The following KIN variants were observed in gnomAD, a reference collection of about 807,000 sequenced individuals.
The protein encoded by KIN is Kin17 DNA and RNA binding protein.
A neutral mutation model predicts 63.0 loss-of-function variants in KIN; 47 were observed. The observed-to-expected ratio is 0.75, with a 90% CI of 0.59 to 0.95. The LOEUF (loss-of-function observed/expected upper bound fraction) is 0.95, where lower values mean the gene tolerates loss of function less well. Ranked by LOEUF, KIN falls within the 40% of genes least tolerant of loss-of-function variation. The pLI, the probability that KIN is intolerant of heterozygous loss-of-function variation, is 0.00. For synonymous variants in KIN, 160 were observed against 157.7 expected (o/e 1.01, Z -0.11); for missense variants, 408 against 460.9 (o/e 0.89, Z 1.05).
chr10:7,772,583 TAA>T (rs1835688354), intron 7 of KIN, among the ~76,000 whole-genome samples: 1 of 152,186 alleles, frequency 6.6e-6, no homozygotes, highest in Admixed American at 6.5e-5. Flanking sequence ...TTTAGATATA[TAA>T]GAGATATAAA....
chr10:7,764,559 T>C (rs1416372052), intron 9 of KIN, among the ~76,000 whole-genome samples: 1 of 152,246 alleles, frequency 6.6e-6, no homozygotes, highest in Non-Finnish European at 1.5e-5. Flanking sequence ...AAAGCCATGC[T>C]TAAAATCGTA....
chr10:7,761,501 G>A (rs569864818), intron 11 of KIN: 1 of 152,214 alleles, frequency 6.6e-6, no homozygotes, highest in East Asian at 1.9e-4. Context: ...ATCGCAGAGA[G>A]CTAAACAAAT....
intron 8 of KIN, 102 bp downstream of exon 8, chr10:7,769,114 G>T: frequency 8.9e-7 from 1 of 1,120,360 alleles, no homozygotes; most frequent in South Asian, 1.6e-5. Context: ...TCCCTAGTCC[G>T]TACATGATAA....
intron 11 of KIN, among the ~76,000 whole-genome samples, chr10:7,760,950 T>C (rs867279108): frequency 9.9e-5 from 15 of 152,176 alleles, no homozygotes; most frequent in Non-Finnish European, 1.9e-4. Flanking sequence ...TGAGTGAAAG[T>C]AGCCAGACCA....
chr10:7,782,250 G>C (rs79157294), intron 2 of KIN, among the ~76,000 whole-genome samples: 1 of 152,062 alleles, frequency 6.6e-6, no homozygotes, highest in Admixed American at 6.5e-5. Context: ...AAGAAGCAAA[G>C]AAATGTTTAT....
At chr10:7,785,251 CAA>C (rs200276745) in intron 1 of KIN, among the ~76,000 whole-genome samples, 28 of 105,974 alleles carry the variant, frequency 2.6e-4, no homozygotes, top group Middle Eastern at 5.1e-3. Context: ...GACCTTGTCT[CAA>C]AAAAAAAAAA....
intron 10 of KIN, among the ~76,000 whole-genome samples, chr10:7,763,405 T>C (rs1298620340): frequency 1.3e-5 from 2 of 152,236 alleles, no homozygotes; most frequent in African/African-American, 2.4e-5. Context: ...TTTTAATATA[T>C]GGCCTATCAT....
At chr10:7,785,163 G>C (rs973209444) in intron 1 of KIN, among the ~76,000 whole-genome samples, 4 of 149,390 alleles carry the variant, frequency 2.7e-5, no homozygotes, top group African/African-American at 4.9e-5. Flanking sequence ...GCAGGAGGAG[G>C]ATTGCTTGAG....
intron 4 of KIN, among the ~76,000 whole-genome samples, chr10:7,779,568 T>C (rs1588485643): frequency 6.6e-6 from 1 of 152,310 alleles, no homozygotes; most frequent in South Asian, 2.1e-4. Context: ...GAAAAACGGA[T>C]GGTTGCATCT....
At chr10:7,782,929 T>C (rs950191448) in intron 2 of KIN, 152 bp downstream of exon 2, 4 of 405,916 alleles carry the variant, frequency 9.9e-6, no homozygotes, top group Non-Finnish European at 1.7e-5. Flanking sequence ...TATACTATGA[T>C]TAATTTTCAA....
At chr10:7,769,415 T>C (rs187436097) in intron 7 of KIN, 70 bp from the exon 8 acceptor site, 89 of 1,456,774 alleles carry the variant, frequency 6.1e-5, no homozygotes, top group Non-Finnish European at 7.4e-5. Context: ...ATGTGCAAAA[T>C]TCACAATATA....
intron 11 of KIN, among the ~76,000 whole-genome samples, chr10:7,761,057 C>T (rs932270290): frequency 3.3e-5 from 5 of 151,862 alleles, no homozygotes; most frequent in African/African-American, 1.2e-4. Context: ...CAGCAGATGT[C>T]GAGGAAGACA....
chr10:7,772,137 AG>A (rs1226583306), intron 7 of KIN, among the ~76,000 whole-genome samples: 1 of 152,138 alleles, frequency 6.6e-6, no homozygotes, highest in African/African-American at 2.4e-5. Flanking sequence ...GGAGACATAC[AG>A]GATCACAAAA....
At chr10:7,757,981 C>T (rs1166600069) in intron 12 of KIN, among the ~76,000 whole-genome samples, 1 of 146,972 alleles carries the variant, frequency 6.8e-6, no homozygotes, top group Admixed American at 6.8e-5. Context: ...ACTTGCAAAG[C>T]TCAAGTGATG....
chr10:7,755,920 C>A lies in KIN; in HGVS notation c.*160G>T. On this transcript the variant is annotated 3_prime_UTR_variant, in exon 13 of 13. Coordinates refer to ENST00000379562, the MANE Select transcript of KIN (RefSeq NM_012311.4). Reference sequence around the variant, plus strand: ...ATACCTCATGAGACATAATTAAATTCTTCTCAAAGTTTAGCTGAACAACTA... The same window carrying A: ...ATACCTCATGAGACATAATTAAATTATTCTCAAAGTTTAGCTGAACAACTA... 4.3e-6 allele frequency: 2 copies of A among 464,070 alleles called. No homozygotes were observed. Among genetic ancestry groups the A allele is most frequent in the South Asian group, 5.0e-5 (1 of 20,184 alleles). The allele number at this position is 464,070 out of a possible 1,614,324, so 28.7% of individuals were successfully genotyped here.
chr10:7,783,396 C>A (rs941460921), intron 1 of KIN, among the ~76,000 whole-genome samples: 2 of 152,122 alleles, frequency 1.3e-5, no homozygotes, highest in South Asian at 4.1e-4. Context: ...ATCAAAGAGA[C>A]AGCAAAAGAG....
In KIN at chr10:7,754,147, T is replaced by C. The variant is rs966793661; in HGVS notation, c.*1933A>G. On this transcript the variant is annotated 3_prime_UTR_variant, in exon 13 of 13. Transcript: ENST00000379562. The stretch of plus-strand genomic sequence containing the variant: ...GAGTTTGAGACCAGCCTGGGCAACA[T>C]AGCAAGACCTCATCTCTACTAAAAA... 54 of 453,752 alleles carry C rather than the reference T, an allele frequency of 1.2e-4. No homozygotes were observed. Among genetic ancestry groups the C allele is most frequent in the Non-Finnish European group, 2.2e-4 (50 of 226,104 alleles). 28.1% of individuals were successfully genotyped at this position (453,752 alleles called of 1,614,324 possible). A position where few individuals can be genotyped will look rare whatever the true frequency, so the allele number is the denominator to read the frequency against.
intron 5 of KIN, among the ~76,000 whole-genome samples, chr10:7,776,732 CA>C (rs779355865): frequency 4.5e-4 from 38 of 84,032 alleles, no homozygotes; most frequent in South Asian, 5.4e-4. Context: ...GACTCTGTCT[CA>C]AAAAAAAAAA....
At chr10:7,787,238 A>AC (rs1404606261) in intron 1 of KIN, among the ~76,000 whole-genome samples, 11 of 152,230 alleles carry the variant, frequency 7.2e-5, no homozygotes, top group Non-Finnish European at 1.5e-4. Context: ...CTTGCCCAAG[A>AC]CCACACGGTT....
Sources: gnomAD v4.1 joint callset for allele counts (sites outside exome capture counted in the v4.1 genomes callset) on GRCh38, gnomAD v4.1.1 for gene constraint, MANE v1.5 for transcripts, NCBI Gene and HGNC (gene_info 2026-07-23, HGNC 2026-07-21) for gene names.